PABPC1L: variants seen among roughly 807,000 people sequenced by gnomAD.
PABPC1L encodes poly(A) binding protein cytoplasmic 1 like, also known as polyadenylate-binding protein 1-like.
PABPC1L carries 31 observed loss-of-function variants against 66.6 expected under a neutral mutation model. That is an observed-to-expected ratio of 0.47 (90% CI 0.35 to 0.63). PABPC1L has a LOEUF of 0.63. PABPC1L is among the 20% of genes least tolerant of loss of function. The pLI is 0.00. For missense variants in PABPC1L, 722 were observed against 848.8 expected, an observed-to-expected ratio of 0.85 and a Z score of 1.86; for synonymous variants, 348 against 335.1, an observed-to-expected ratio of 1.04 and a Z score of -0.42.
intron 14 of PABPC1L, 79 bp downstream of exon 14, chr20:44,938,827 C>T: frequency 7.3e-7 from 1 of 1,377,144 alleles, no homozygotes; most frequent in Middle Eastern, 1.8e-4. Context: ...TTCACAAACA[C>T]TGAGAATTGC....
intron 7 of PABPC1L, among the ~76,000 whole-genome samples, chr20:44,926,793 C>A (rs1291093694): frequency 2.0e-5 from 3 of 152,114 alleles, no homozygotes; most frequent in African/African-American, 7.2e-5. Flanking sequence ...GTGATCTGCC[C>A]GCCTTGGCCT....
At chr20:44,936,533 C>G in intron 11 of PABPC1L, 104 bp from the exon 12 acceptor site, 1 of 940,860 alleles carries the variant, frequency 1.1e-6, no homozygotes, top group Non-Finnish European at 1.6e-6. Flanking sequence ...CCTCTGTTCC[C>G]CTCCTCCAGT....
chr20:44,930,705 C>T lies in PABPC1L; in HGVS notation c.1218C>T (p.Tyr406=). The stretch of plus-strand genomic sequence containing the variant: ...GCTCCTTTCAGCAGCCCTCCAGCTA[C>T]TTCCTGCCTGCCATGCCCCAGGTGA... ...LLGSFQQPSS[Y]FLPAMPQPPA... Residue 406 remains tyrosine (Y), a synonymous_variant, in exon 8 of 15, where the codon TAC becomes TAT. Coordinates refer to ENST00000217073, the MANE Select transcript of PABPC1L (RefSeq NM_001372179.1). 2 of 1,613,752 alleles carry T rather than the reference C, an allele frequency of 1.2e-6. No homozygotes were observed. Among genetic ancestry groups the T allele is most frequent in the Non-Finnish European group, 1.7e-6 (2 of 1,179,922 alleles).
intron 12 of PABPC1L, chr20:44,937,795 C>T (rs1163061887): frequency 2.3e-6 from 1 of 439,010 alleles, no homozygotes; most frequent in Non-Finnish European, 4.1e-6. Context: ...TCACTTTCTT[C>T]ATGGGACGAT....
Position 44,921,629 on chromosome 20 carries a change from G to A in PABPC1L, c.774G>A (p.Gly258=). The part of the protein sequence containing the change: ...VVHMNGKEVS[G]RLLYAGRAQK... The stretch of plus-strand genomic sequence containing the variant: ...ATATGAACGGGAAGGAGGTGAGCGG[G>A]CGGCTGCTGTACGCGGGCCGGGCCC... The change falls in exon 6 of 15, where the codon GGG becomes GGA. Residue 258 remains glycine, a synonymous_variant. Transcript: ENST00000217073. The A allele has an allele frequency of 2.5e-6, 4 of 1,613,986 alleles. No individual in the cohort carries two copies. Among genetic ancestry groups the A allele is most frequent in the South Asian group, 1.1e-5 (1 of 91,070 alleles).
At chr20:44,934,212 G>C (rs776172396) in intron 10 of PABPC1L, among the ~76,000 whole-genome samples, 1 of 152,176 alleles carries the variant, frequency 6.6e-6, no homozygotes, top group Non-Finnish European at 1.5e-5. Flanking sequence ...ACAGTGTGCT[G>C]GGGCCCCAAG....
chr20:44,922,524 C>A (rs1426229592), intron 6 of PABPC1L, among the ~76,000 whole-genome samples: 1 of 152,208 alleles, frequency 6.6e-6, no homozygotes, highest in Non-Finnish European at 1.5e-5. Flanking sequence ...GTGTGAGCCA[C>A]TGCGCCTGGC....
chr20:44,930,340 T>C lies in PABPC1L; in HGVS notation c.973-120T>C, dbSNP rs117247227. 3.7e-6 allele frequency: 5 copies of C among 1,353,754 alleles called. No homozygotes were observed. The East Asian group carries it at 9.2e-5, about 25-fold the overall frequency. 83.9% of individuals were successfully genotyped at this position (1,353,754 alleles called of 1,614,324 possible). On this transcript the variant is annotated intron_variant, in intron 7 of 14. Transcript: ENST00000217073. ...CAGGGGTGCACGCTACATCCCTCCA[T>C]CACAGCTTTCTCGCGGGCCTGCCCA...
In PABPC1L at chr20:44,938,126, C is replaced by T. The variant is rs2066915807; in HGVS notation, c.1726C>T (p.Leu576=). ...TQLAGKITGM[L]LEIDNSELLL... ...GCTGGCTGGCAAGATCACGGGCATG[C>T]TGCTGGAGATTGACAACTCAGAGCT... is the stretch of plus-strand genomic sequence containing the variant. Residue 576 remains leucine (L), a synonymous_variant, in exon 13 of 15, where the codon CTG becomes TTG. Coordinates refer to ENST00000217073, the MANE Select transcript of PABPC1L (RefSeq NM_001372179.1). 6.2e-7 allele frequency: 1 copy of T among 1,614,058 alleles called. No individual in the cohort carries two copies. The highest frequency in any genetic ancestry group is 1.3e-5 in the African/African-American group (1 of 74,902).
Position 44,910,221 on chromosome 20 carries a change from G to A in PABPC1L, c.78G>A (p.Met26Ile). ...GDLHPDVTEA[M>I]LYEKFSPAGP... ...TGCACCCCGACGTGACCGAGGCCAT[G>A]CTCTATGAGAAGTTCTCTCCCGCCG... The change falls in exon 1 of 15, where the codon ATG becomes ATA. Residue 26 changes from methionine (M) to isoleucine (I), a missense_variant. Around this residue, in one of 3 missense-constraint regions of PABPC1L, gnomAD observed 284 missense variants for 294.8 expected, o/e 0.96. Transcript: ENST00000217073. 1 of 1,578,190 alleles carries A rather than the reference G, an allele frequency of 6.3e-7. No individual in the cohort carries two copies. Among genetic ancestry groups the A allele is most frequent in the South Asian group, 1.2e-5 (1 of 86,376 alleles).
At position 44,938,077 on chromosome 20, in the gene PABPC1L, C is replaced by T; in HGVS notation, c.1677C>T (p.Pro559=). The stretch of plus-strand genomic sequence containing the variant: ...TCCACACAGGGGAGCGTCTCTACCC[C>T]CTTATCCATGATGTCCACACCCAGC... The part of the protein sequence containing the change: ...QKQMIGERLY[P]LIHDVHTQLA... Residue 559 remains proline (P), a synonymous_variant, in exon 13 of 15, where the codon CCC becomes CCT. Transcript: ENST00000217073. The T allele has an allele frequency of 1.2e-6, 2 of 1,614,176 alleles. No individual in the cohort carries two copies. The highest frequency in any genetic ancestry group is 1.1e-5 in the South Asian group (1 of 91,078).
At chr20:44,930,338 C>T in intron 7 of PABPC1L, 122 bp from the exon 8 acceptor site, 1 of 1,324,266 alleles carries the variant, frequency 7.6e-7, no homozygotes. Context: ...TACATCCCTC[C>T]ATCACAGCTT....
In PABPC1L at chr20:44,924,246, C is replaced by T; in HGVS notation, c.962C>T (p.Thr321Ile). The part of the protein sequence containing the change: ...RKEFSPYGVI[T>I]SAKVMTEGGH... The stretch of plus-strand genomic sequence containing the variant: ...GAGTTCTCTCCCTATGGAGTAATTA[C>T]CAGTGCGAAGGTGAGGACTGGGGGC... The change falls in exon 7 of 15, where the codon ACC becomes ATC. Residue 321 changes from threonine to isoleucine, a missense_variant. Physicochemically the swap from Thr to Ile is moderately conservative, Grantham distance 89. Around this residue, in one of 3 missense-constraint regions of PABPC1L, gnomAD observed 137 missense variants for 216.8 expected, o/e 0.63. Coordinates refer to ENST00000217073, the MANE Select transcript of PABPC1L (RefSeq NM_001372179.1). 1.2e-6 allele frequency: 2 copies of T among 1,613,202 alleles called. No individual in the cohort carries two copies. Among genetic ancestry groups the T allele is most frequent in the African/African-American group, 1.3e-5 (1 of 75,000 alleles).
Position 44,928,956 on chromosome 20 carries a change from G to A in PABPC1L, c.973-1504G>A, listed in dbSNP as rs113326425. 8.9e-3 allele frequency among the ~76,000 whole-genome samples: 1,343 copies of A among 151,394 alleles called. 26 individuals are homozygous for A. The highest frequency in any genetic ancestry group is 0.031 in the African/African-American group (1,283 of 41,254). ...CCTTATGGGCTGTATGAGCCAGGCC[G>A]GTGTCTTCACCCTAAAAAAAGGTTA... On this transcript the variant is annotated intron_variant, in intron 7 of 14. Coordinates refer to ENST00000217073, the MANE Select transcript of PABPC1L (RefSeq NM_001372179.1).
rs1196240823 is a variant in PABPC1L, at chr20:44,936,668, A to G, written c.1598A>G (p.Gln533Arg). 1.2e-6 allele frequency: 2 copies of G among 1,606,158 alleles called. No individual in the cohort carries two copies. Among genetic ancestry groups the G allele is most frequent in the African/African-American group, 1.3e-5 (1 of 74,884 alleles). Residue 533 changes from glutamine (Q) to arginine (R), a missense_variant, in exon 12 of 15, where the codon CAG becomes CGG. By Grantham distance (43) the Gln-to-Arg change is conservative. Coordinates refer to ENST00000217073, the MANE Select transcript of PABPC1L (RefSeq NM_001372179.1). ...GAGCCGGCTGTGCACATCCCAGGAC[A>G]GGAGCCCCTGACCGCGTCCATGCTG... ...VQEPAVHIPG[Q>R]EPLTASMLAA...
chr20:44,938,013 G>T (rs769606604), intron 12 of PABPC1L, 48 bp from the exon 13 acceptor site: 1 of 1,611,410 alleles, frequency 6.2e-7, no homozygotes, highest in Non-Finnish European at 8.5e-7. Context: ...TGGGATGCTG[G>T]GGTGTGAGCT....
At chr20:44,916,380 C>T (rs1347570420) in intron 2 of PABPC1L, among the ~76,000 whole-genome samples, 1 of 152,198 alleles carries the variant, frequency 6.6e-6, no homozygotes, top group Non-Finnish European at 1.5e-5. Flanking sequence ...TCAAGCAATT[C>T]CCCTGCCTCA....
chr20:44,932,520 C>A (rs766767030), intron 9 of PABPC1L, 88 bp downstream of exon 9: 19 of 1,199,928 alleles, frequency 1.6e-5, no homozygotes, highest in Non-Finnish European at 2.3e-5. Context: ...AAACCTGGCT[C>A]TGCCACTTCC....
chr20:44,933,113 C>T lies in PABPC1L; in HGVS notation c.1387C>T (p.Pro463Ser). The T allele has an allele frequency of 6.2e-7, 1 of 1,608,062 alleles. No individual in the cohort carries two copies. Among genetic ancestry groups the T allele is most frequent in the East Asian group, 2.2e-5 (1 of 44,664 alleles). ...VRPPVVPRRPPAHISSVRQAS... is the reference protein window; with the variant it reads ...VRPPVVPRRPSAHISSVRQAS... ...GCCACCAGTTGTGCCTCGGCGCCCCCCGGCCCACATCAGCAGTGTCAGGCA... is the reference window on the plus strand; with the variant it reads ...GCCACCAGTTGTGCCTCGGCGCCCCTCGGCCCACATCAGCAGTGTCAGGCA... Residue 463 changes from proline to serine, a missense_variant, in exon 10 of 15, where the codon CCG becomes TCG. Coordinates refer to ENST00000217073, the MANE Select transcript of PABPC1L (RefSeq NM_001372179.1).
Sources: allele counts gnomAD v4.1 joint callset (sites outside exome capture counted in the v4.1 genomes callset), GRCh38; gene constraint gnomAD v4.1.1; regional missense constraint gnomAD v4.1.1; transcripts MANE v1.5; gene names NCBI Gene and HGNC (gene_info 2026-07-23, HGNC 2026-07-21).